SNX30: variants seen among roughly 807,000 people sequenced by gnomAD.
The protein encoded by SNX30 is sorting nexin-30.
In SNX30, 24 loss-of-function variants were observed where a neutral mutation model predicts 46.4. The observed-to-expected ratio is 0.52, with a 90% CI of 0.37 to 0.73. The LOEUF is 0.73. Ranked by LOEUF, SNX30 falls within the 30% of genes least tolerant of loss-of-function variation. The pLI is 0.00. For missense variants in SNX30, 533 were observed against 555.7 expected, an observed-to-expected ratio of 0.96 and a Z score of 0.41; for synonymous variants, 189 against 211.5, an observed-to-expected ratio of 0.89 and a Z score of 0.92.
chr9:112,789,127 C>G lies in SNX30; in HGVS notation c.157-15649C>G, dbSNP rs529397275. On this transcript the variant is annotated intron_variant, in intron 1 of 8. Coordinates refer to ENST00000374232, the MANE Select transcript of SNX30 (RefSeq NM_001012994.2). Reference sequence around the variant, plus strand: ...ACAGGATTTTAGGTCGAGTTGTGTTCTCTTTGTTCGTGCCCTCTGGAAAGG... The same window carrying G: ...ACAGGATTTTAGGTCGAGTTGTGTTGTCTTTGTTCGTGCCCTCTGGAAAGG... 2.0e-5 allele frequency among the ~76,000 whole-genome samples: 3 copies of G among 152,236 alleles called. No homozygotes were observed. In the East Asian group the frequency reaches 5.8e-4, roughly 29 times the overall value.
chr9:112,864,423 T>C (rs368793639), intron 8 of SNX30, 24 bp downstream of exon 8: 2 of 1,613,442 alleles, frequency 1.2e-6, no homozygotes, highest in Non-Finnish European at 1.7e-6. Context: ...CCAACAAGAC[T>C]GGTTTCTAAT....
At chr9:112,790,663 G>A (rs553428503) in intron 1 of SNX30, among the ~76,000 whole-genome samples, 2 of 152,292 alleles carry the variant, frequency 1.3e-5, no homozygotes, top group South Asian at 4.1e-4. Context: ...AAGAATATAT[G>A]ATCCTTTTAA....
intron 8 of SNX30, among the ~76,000 whole-genome samples, chr9:112,867,987 T>C (rs561689354): frequency 5.9e-5 from 9 of 152,348 alleles, no homozygotes; most frequent in African/African-American, 2.2e-4. Context: ...TTCTGAGTTC[T>C]TGGCCTTTCA....
At position 112,874,565 on chromosome 9, in the gene SNX30, T is replaced by G. The variant is rs1841494099; in HGVS notation, c.*5722T>G. ...TCTGAGGTATTGATGTAGTCCACCG[T>G]GTAAATGTTACCTTCTCTCCATGCT... On this transcript the variant is annotated 3_prime_UTR_variant, in exon 9 of 9. Coordinates refer to ENST00000374232, the MANE Select transcript of SNX30 (RefSeq NM_001012994.2). The G allele has an allele frequency of 6.6e-6, 1 of 152,242 alleles. No individual in the cohort carries two copies. The highest frequency in any genetic ancestry group is 1.5e-5 in the Non-Finnish European group (1 of 68,038). The allele number at this position is 152,242 out of a possible 1,614,324, so 9.4% of individuals were successfully genotyped here. A position where few individuals can be genotyped will look rare whatever the true frequency, so the allele number is the denominator to read the frequency against.
At chr9:112,868,280 G>A (rs1841392334) in intron 8 of SNX30, among the ~76,000 whole-genome samples, 1 of 152,182 alleles carries the variant, frequency 6.6e-6, no homozygotes, top group Admixed American at 6.5e-5. Context: ...GAGAGATTCA[G>A]GTGTGGCCCA....
chr9:112,788,826 T>C (rs557348214), intron 1 of SNX30, among the ~76,000 whole-genome samples: 1 of 152,178 alleles, frequency 6.6e-6, no homozygotes. Flanking sequence ...GGCAGTGTCT[T>C]GCTCTGTGAC....
chr9:112,767,764 T>A (rs562813255), intron 1 of SNX30, among the ~76,000 whole-genome samples: 45 of 151,744 alleles, frequency 3.0e-4, no homozygotes, highest in African/African-American at 8.9e-4. Flanking sequence ...TAATTTTTTT[T>A]ATTTATTTAT....
downstream of SNX30, chr9:112,878,924 A>G (rs1285545367): frequency 6.6e-6 from 1 of 152,168 alleles, no homozygotes; most frequent in Non-Finnish European, 1.5e-5. Context: ...CACTCATACA[A>G]TGAATGTTGA....
intron 1 of SNX30, among the ~76,000 whole-genome samples, chr9:112,768,982 T>C (rs1839599950): frequency 6.6e-6 from 1 of 152,124 alleles, no homozygotes; most frequent in Non-Finnish European, 1.5e-5. Context: ...TGAGATCAGT[T>C]GACTTAGGAG....
chr9:112,750,938 G>A lies in SNX30; in HGVS notation c.-64G>A. ...GAGCGGGGCTCGGCCCGGGGTGCTCGGGGAGCTCGCCGCGGCGGGCAGCAG... is the reference window on the plus strand; with the variant it reads ...GAGCGGGGCTCGGCCCGGGGTGCTCAGGGAGCTCGCCGCGGCGGGCAGCAG... On this transcript the variant is annotated 5_prime_UTR_variant, in exon 1 of 9. Transcript: ENST00000374232. 7.7e-6 allele frequency: 9 copies of A among 1,175,484 alleles called. No individual in the cohort carries two copies. The highest frequency in any genetic ancestry group is 9.4e-6 in the Non-Finnish European group (9 of 952,582). 72.8% of individuals were successfully genotyped at this position (1,175,484 alleles called of 1,614,324 possible). A position where few individuals can be genotyped will look rare whatever the true frequency, so the allele number is the denominator to read the frequency against.
chr9:112,776,438 A>C (rs1265489756), intron 1 of SNX30, among the ~76,000 whole-genome samples: 1 of 152,182 alleles, frequency 6.6e-6, no homozygotes, highest in African/African-American at 2.4e-5. Context: ...TCTGACTGTG[A>C]TATCTAGATG....
At chr9:112,879,788 G>A, downstream of SNX30, 1 of 1,613,076 alleles carries the variant, frequency 6.2e-7, no homozygotes, top group Non-Finnish European at 8.5e-7. Context: ...TCTCCATATG[G>A]TGACAATGGG....
In SNX30 at chr9:112,873,511, C is replaced by T. The variant is rs890644585; in HGVS notation, c.*4668C>T. 1 of 152,110 alleles carries T rather than the reference C, an allele frequency of 6.6e-6. No individual in the cohort carries two copies. The highest frequency in any genetic ancestry group is 2.4e-5 in the African/African-American group (1 of 41,410). The allele number at this position is 152,110 out of a possible 1,614,324, so 9.4% of individuals were successfully genotyped here. A position where few individuals can be genotyped will look rare whatever the true frequency, so the allele number is the denominator to read the frequency against. ...GATCTAACATAGTCAGTCCTCAGGC[C>T]CCCTAAAGAAACAAGCAAGAAAGTG... is the stretch of plus-strand genomic sequence containing the variant. On this transcript the variant is annotated 3_prime_UTR_variant, in exon 9 of 9. Coordinates refer to ENST00000374232, the MANE Select transcript of SNX30 (RefSeq NM_001012994.2).
chr9:112,817,748 G>A lies in SNX30; in HGVS notation c.392G>A (p.Arg131Gln). 1.9e-6 allele frequency: 3 copies of A among 1,613,724 alleles called. No homozygotes were observed. The highest frequency in any genetic ancestry group is 2.5e-6 in the Non-Finnish European group (3 of 1,179,818). The change falls in exon 3 of 9, where the codon CGA becomes CAA. Residue 131 changes from arginine to glutamine, a missense_variant. By Grantham distance (43) the Arg-to-Gln change is conservative. This residue lies in a region of SNX30 where 81 missense variants were observed against 124.4 expected (regional missense o/e 0.65). Transcript: ENST00000374232. Reference protein sequence around the residue: ...EFDLPEYSVRRRYQDFDWLRS... With the variant: ...EFDLPEYSVRQRYQDFDWLRS... Reference sequence around the variant, plus strand: ...GACCTGCCAGAATATTCTGTTCGTCGAAGATACCAGGATTTTGACTGGTTG... The same window carrying A: ...GACCTGCCAGAATATTCTGTTCGTCAAAGATACCAGGATTTTGACTGGTTG...
At chr9:112,778,685 T>C (rs981211770) in intron 1 of SNX30, among the ~76,000 whole-genome samples, 1 of 152,220 alleles carries the variant, frequency 6.6e-6, no homozygotes, top group Non-Finnish European at 1.5e-5. Context: ...CAGATAAGCA[T>C]GTAAGACCAG....
At chr9:112,795,789 A>ACACACG (rs1374872025) in intron 1 of SNX30, among the ~76,000 whole-genome samples, 4 of 151,840 alleles carry the variant, frequency 2.6e-5, no homozygotes, top group African/African-American at 9.7e-5. Context: ...ACACACACAC[A>ACACACG]CACACACGCA....
intron 2 of SNX30, 63 bp downstream of exon 2, chr9:112,805,030 G>A: frequency 7.2e-7 from 1 of 1,381,754 alleles, no homozygotes; most frequent in East Asian, 2.4e-5. Context: ...GTCTACCTCA[G>A]TGAATTTTGC....
chr9:112,882,537 A>T (rs1195929300), downstream of SNX30, among the ~76,000 whole-genome samples: 7 of 152,214 alleles, frequency 4.6e-5, no homozygotes, highest in Non-Finnish European at 8.8e-5. Context: ...GGAGTGGAGA[A>T]CAAGAGTGGC....
At chr9:112,796,246 C>T (rs1455881392) in intron 1 of SNX30, among the ~76,000 whole-genome samples, 3 of 152,336 alleles carry the variant, frequency 2.0e-5, no homozygotes, top group East Asian at 1.9e-4. Flanking sequence ...CAGAGCTGTT[C>T]GGAGGCCCGG....
Sources: allele counts gnomAD v4.1 joint callset (sites outside exome capture counted in the v4.1 genomes callset), GRCh38; gene constraint gnomAD v4.1.1; regional missense constraint gnomAD v4.1.1; transcripts MANE v1.5; gene names NCBI Gene and HGNC (gene_info 2026-07-23, HGNC 2026-07-21).